Variants in CCT2 observed in about 807,000 individuals in gnomAD.
The protein encoded by CCT2 is chaperonin containing TCP1 subunit 2.
Under a neutral mutation model 61.8 loss-of-function variants are expected in CCT2, and 18 were observed. The ratio of observed to expected loss-of-function variants is 0.29; its 90% CI spans 0.20 to 0.43. The LOEUF (loss-of-function observed/expected upper bound fraction) is 0.43. CCT2 is among the 20% of genes least tolerant of loss of function. The pLI, the probability that CCT2 is intolerant of heterozygous loss-of-function variation, is 1.00. For synonymous variants in CCT2, 248 were observed against 215.9 expected, an observed-to-expected ratio of 1.15 and a Z score of -1.30; for missense variants, 556 against 656.9, an observed-to-expected ratio of 0.85 and a Z score of 1.68.
At chr12:69,590,497 A>C (rs1469222823) in intron 7 of CCT2, among the ~76,000 whole-genome samples, 2 of 152,122 alleles carry the variant, frequency 1.3e-5, no homozygotes, top group Non-Finnish European at 2.9e-5. Context: ...GATCATCTTC[A>C]CATTATATTT....
chr12:69,586,214 T>G, intron 1 of CCT2, 56 bp from the exon 2 acceptor site: 2 of 1,309,904 alleles, frequency 1.5e-6, no homozygotes, highest in East Asian at 2.3e-5. Context: ...GGCACCTCAG[T>G]GTATGTGTTA....
At chr12:69,589,807 TATC>T (rs1172656146) in intron 7 of CCT2, 120 bp downstream of exon 7, 8 of 758,162 alleles carry the variant, frequency 1.1e-5, no homozygotes, top group Middle Eastern at 3.5e-4. Flanking sequence ...TTTAAGGACA[TATC>T]ATATGTGCAA....
At chr12:69,592,593 G>A (rs1467047018) in intron 8 of CCT2, 3 of 188,430 alleles carry the variant, frequency 1.6e-5, no homozygotes, top group South Asian at 1.2e-4. Flanking sequence ...ATATATATAC[G>A]TTGGTAAAAA....
At chr12:69,585,656 C>T in intron 1 of CCT2, 132 bp downstream of exon 1, 1 of 1,534,168 alleles carries the variant, frequency 6.5e-7, no homozygotes, top group Non-Finnish European at 8.8e-7. Context: ...TGGTGCGAGC[C>T]ATGCGCGGGG....
chr12:69,586,010 G>A (rs1881640545), intron 1 of CCT2: 3 of 1,361,534 alleles, frequency 2.2e-6, no homozygotes, highest in East Asian at 3.0e-5. Context: ...TAGTCTCGCT[G>A]TACGTAACTG....
At position 69,598,930 on chromosome 12, in the gene CCT2, A is replaced by G. The variant is rs1205585704; in HGVS notation, c.1435+509A>G. On this transcript the variant is annotated intron_variant, in intron 14 of 15. Transcript: ENST00000299300. Reference sequence around the variant, plus strand: ...GTAGATAATCCTGTCATTGAACAAGAGGGAGCACCAGTTAATCTGTGAGAA... The same window carrying G: ...GTAGATAATCCTGTCATTGAACAAGGGGGAGCACCAGTTAATCTGTGAGAA... 5.9e-5 allele frequency among the ~76,000 whole-genome samples: 9 copies of G among 151,342 alleles called. No individual in the cohort carries two copies. In the East Asian group the frequency reaches 1.7e-3, roughly 29 times the overall value.
At chr12:69,601,167 C>T in intron 15 of CCT2, 128 bp from the exon 16 acceptor site, 1 of 740,262 alleles carries the variant, frequency 1.4e-6, no homozygotes, top group Non-Finnish European at 2.2e-6. Flanking sequence ...AGGGGACACA[C>T]ATGCAAACCA....
intron 7 of CCT2, among the ~76,000 whole-genome samples, chr12:69,590,939 G>A (rs989816082): frequency 1.3e-5 from 2 of 151,264 alleles, no homozygotes; most frequent in African/African-American, 4.9e-5. Context: ...GGCTGGTCTC[G>A]AACTCCTGAC....
intron 12 of CCT2, 28 bp downstream of exon 12, chr12:69,597,794 T>TTTTTAATTTCTTAAGTACAAA: frequency 6.3e-7 from 1 of 1,586,030 alleles, no homozygotes; most frequent in Non-Finnish European, 8.6e-7. Context: ...GTTGAATATA[T>TTTTTAATTTCTTAAGTACAAA]TTTTAATTTC....
chr12:69,585,614 G>C (rs1332859244), intron 1 of CCT2, 90 bp downstream of exon 1: 6 of 1,548,058 alleles, frequency 3.9e-6, no homozygotes, highest in Non-Finnish European at 5.2e-6. Flanking sequence ...AGGGTCGTAG[G>C]CTCCGTTTCT....
At chr12:69,592,949 G>C in intron 8 of CCT2, 27 bp from the exon 9 acceptor site, 1 of 1,601,882 alleles carries the variant, frequency 6.2e-7, no homozygotes, top group Non-Finnish European at 8.5e-7. Flanking sequence ...TGAAACTGAT[G>C]CTCTCTTTAT....
At chr12:69,601,189 T>C (rs1401772393) in intron 15 of CCT2, 106 bp from the exon 16 acceptor site, 20 of 902,872 alleles carry the variant, frequency 2.2e-5, no homozygotes, top group South Asian at 5.1e-5. Context: ...TGCAGAGTTA[T>C]AACAGTTTTA....
intron 3 of CCT2, chr12:69,587,128 C>T: frequency 6.1e-6 from 2 of 327,312 alleles, no homozygotes; most frequent in South Asian, 1.8e-4. Context: ...TACTATTTAT[C>T]AATACTTTTT....
In CCT2 at chr12:69,592,125, T is replaced by A. The variant is rs1404177453; in HGVS notation, c.716T>A (p.Ile239Asn). The A allele has an allele frequency of 6.3e-7, 1 of 1,591,472 alleles. No individual in the cohort carries two copies. Among genetic ancestry groups the A allele is most frequent in the Non-Finnish European group, 8.6e-7 (1 of 1,159,588 alleles). The change falls in exon 8 of 16, where the codon ATT becomes AAT. Residue 239 changes from isoleucine (I) to asparagine (N), a missense_variant. This residue lies in a region of CCT2 where 308 missense variants were observed against 350.6 expected (regional missense o/e 0.88). Coordinates refer to ENST00000299300, the MANE Select transcript of CCT2 (RefSeq NM_006431.3). ...PKRIENAKIL[I>N]ANTGMDTDKI... is the part of the protein sequence containing the mutation. The stretch of plus-strand genomic sequence containing the variant: ...CGAATTGAAAATGCTAAAATTCTTA[T>A]TGCAAATACTGGTATGGATACAGAC...
chr12:69,596,595 C>G (rs1159843105), intron 10 of CCT2, among the ~76,000 whole-genome samples: 1 of 151,890 alleles, frequency 6.6e-6, no homozygotes, highest in South Asian at 2.1e-4. Flanking sequence ...TTTTTTAGGC[C>G]TTAGGACATT....
chr12:69,585,715 G>T, intron 1 of CCT2, 191 bp downstream of exon 1: 1 of 1,469,584 alleles, frequency 6.8e-7, no homozygotes, highest in East Asian at 2.5e-5. Context: ...CGAGGGGGAG[G>T]GGTGGACCGC....
rs1368577713 is a variant in CCT2 at position 69,585,530 on chromosome 12, C to G, written c.3+6C>G. The G allele has an allele frequency of 9.6e-6, 15 of 1,570,132 alleles. No individual in the cohort carries two copies. Among genetic ancestry groups the G allele is most frequent in the African/African-American group, 2.7e-5 (2 of 74,080 alleles). ...CGGAACTCCTCGGAACCATGGTGAG[C>G]CTGACTCCCCTGCCTCTTGCCCTAC... On this transcript the variant is annotated splice_donor_region_variant and intron_variant, in intron 1 of 15. Transcript: ENST00000299300.
chr12:69,598,893 AG>A (rs1276338467), intron 14 of CCT2, among the ~76,000 whole-genome samples: 1,552 of 152,314 alleles, frequency 0.01, 31 homozygotes, highest in African/African-American at 0.035. Context: ...ATTATAGAGT[AG>A]TCTTAAGAAG....
In CCT2 at chr12:69,598,312, A is replaced by G. The variant is rs1199633815; in HGVS notation, c.1336-10A>G. ...GAGTGAGTAGTTACTTGTTTTCTTC[A>G]TTTTCATAGTTGCCAACCATCATAG... On this transcript the variant is annotated splice_polypyrimidine_tract_variant and intron_variant, in intron 13 of 15. Transcript: ENST00000299300. 1 of 1,567,638 alleles carries G rather than the reference A, an allele frequency of 6.4e-7. No homozygotes were observed. Among genetic ancestry groups the G allele is most frequent in the African/African-American group, 1.4e-5 (1 of 72,960 alleles).
Sources: allele counts gnomAD v4.1 joint callset (sites outside exome capture counted in the v4.1 genomes callset), GRCh38; gene constraint gnomAD v4.1.1; regional missense constraint gnomAD v4.1.1; transcripts MANE v1.5; gene names NCBI Gene and HGNC (gene_info 2026-07-23, HGNC 2026-07-21).